Variants in ERC1 observed in about 807,000 individuals in gnomAD.
ERC1 encodes ELKS/RAB6-interacting/CAST family member 1.
A neutral mutation model predicts 132.0 loss-of-function variants in ERC1; 56 were observed. The observed-to-expected ratio is 0.42, with a 90% CI of 0.34 to 0.53. The LOEUF is 0.53. Ranked by LOEUF, ERC1 falls within the 20% of genes least tolerant of loss-of-function variation. The pLI, the probability that ERC1 is intolerant of heterozygous loss-of-function variation, is 0.03. For synonymous variants in ERC1, 478 were observed against 476.1 expected, an observed-to-expected ratio of 1.00 and a Z score of -0.05; for missense variants, 1,202 against 1,349.9, an observed-to-expected ratio of 0.89 and a Z score of 1.72.
chr12:1,195,873 C>CCA (rs1956174152), intron 12 of ERC1, among the ~76,000 whole-genome samples: 1 of 128,014 alleles, frequency 7.8e-6, no homozygotes, highest in African/African-American at 3.3e-5. Flanking sequence ...GTACTTATTT[C>CCA]CGCCCCCCCC....
intron 18 of ERC1, among the ~76,000 whole-genome samples, chr12:1,465,670 A>T (rs970255903): frequency 4.0e-5 from 6 of 151,880 alleles, no homozygotes; most frequent in Non-Finnish European, 7.4e-5. Flanking sequence ...TCTCCACTTG[A>T]CTCCCCTGTG....
intron 14 of ERC1, among the ~76,000 whole-genome samples, chr12:1,274,425 C>A (rs115944670): frequency 6.6e-6 from 1 of 151,904 alleles, no homozygotes; most frequent in South Asian, 2.1e-4. Context: ...TAACAGGGGA[C>A]CTTATTTAGA....
In ERC1 at chr12:1,093,100, G is replaced by A. The variant is rs550769140; in HGVS notation, c.1086+9520G>A. Among the ~76,000 whole-genome samples, 19 of 152,300 alleles carry A rather than the reference G, an allele frequency of 1.2e-4. No homozygotes were observed. In the East Asian group the frequency reaches 3.7e-3, roughly 29 times the overall value. The stretch of plus-strand genomic sequence containing the variant: ...ATCTTAGATTTGATGAAATAAGATA[G>A]CATTAAAATGGCATTTGTAGCTATT... On this transcript the variant is annotated intron_variant, in intron 3 of 18. Coordinates refer to ENST00000360905, the MANE Select transcript of ERC1 (RefSeq NM_178040.4).
chr12:1,125,058 A>T (rs11061642), intron 7 of ERC1, among the ~76,000 whole-genome samples: 2 of 151,628 alleles, frequency 1.3e-5, no homozygotes, highest in Non-Finnish European at 2.9e-5. Flanking sequence ...GCAGTGGCAC[A>T]ATCTTGGCTC....
intron 11 of ERC1, among the ~76,000 whole-genome samples, chr12:1,184,638 G>A (rs1594051111): frequency 6.6e-6 from 1 of 152,206 alleles, no homozygotes; most frequent in Admixed American, 6.5e-5. Flanking sequence ...GCTTAAGAAT[G>A]TATATCCTGT....
At chr12:1,363,642 C>A (rs1426109764) in intron 15 of ERC1, among the ~76,000 whole-genome samples, 1 of 150,282 alleles carries the variant, frequency 6.7e-6, no homozygotes, top group African/African-American at 2.5e-5. Context: ...GCAGCCTCGA[C>A]CTCCTGGGCT....
chr12:1,333,688 A>G (rs919933777), intron 15 of ERC1, among the ~76,000 whole-genome samples: 79 of 152,158 alleles, frequency 5.2e-4, no homozygotes, highest in African/African-American at 1.9e-3. Context: ...TATCTTTGCT[A>G]TTGTTAATAG....
intron 2 of ERC1, among the ~76,000 whole-genome samples, chr12:1,065,896 C>T (rs1014750583): frequency 3.9e-5 from 6 of 152,122 alleles, no homozygotes; most frequent in Non-Finnish European, 7.3e-5. Context: ...TTTATCCTGA[C>T]TGAAAGGAGC....
At chr12:1,217,042 G>A (rs1458729180) in intron 12 of ERC1, among the ~76,000 whole-genome samples, 7 of 152,202 alleles carry the variant, frequency 4.6e-5, no homozygotes, top group African/African-American at 1.7e-4. Context: ...AGAAATGGGT[G>A]CTTTGCTCCA....
chr12:1,330,856 C>T (rs2082812636), intron 15 of ERC1, among the ~76,000 whole-genome samples: 1 of 152,068 alleles, frequency 6.6e-6, no homozygotes, highest in Non-Finnish European at 1.5e-5. Flanking sequence ...TTTTTTATCT[C>T]TTTATGTCTT....
chr12:1,402,133 G>A (rs2091120190), intron 16 of ERC1, among the ~76,000 whole-genome samples: 1 of 152,178 alleles, frequency 6.6e-6, no homozygotes, highest in Non-Finnish European at 1.5e-5. Context: ...AAGAGAAATT[G>A]CAAAATATTT....
chr12:1,021,436 C>T (rs901502985), intron 1 of ERC1, among the ~76,000 whole-genome samples: 3 of 150,122 alleles, frequency 2.0e-5, no homozygotes, highest in Non-Finnish European at 4.4e-5. Flanking sequence ...CGGCCGGGCG[C>T]GGTGGCTCAT....
intron 12 of ERC1, among the ~76,000 whole-genome samples, chr12:1,200,838 G>A (rs188435738): frequency 8.1e-4 from 124 of 152,274 alleles, no homozygotes; most frequent in African/African-American, 2.4e-3. Flanking sequence ...GATTTCAGGC[G>A]TGAGCCACTG....
chr12:1,457,129 G>A (rs1347175613), intron 18 of ERC1, among the ~76,000 whole-genome samples: 2 of 152,168 alleles, frequency 1.3e-5, no homozygotes, highest in East Asian at 3.8e-4. Flanking sequence ...GTCACATGCT[G>A]TACAGGTTTG....
chr12:1,341,072 T>TC (rs2083818494), intron 15 of ERC1, among the ~76,000 whole-genome samples: 8 of 9,468 alleles, frequency 8.4e-4, no homozygotes, highest in African/African-American at 3.6e-3. Flanking sequence ...TCTTTTTCTT[T>TC]TTTTTTTTTT....
upstream of ERC1, chr12:990,424 CA>C (rs1959170352): frequency 6.6e-6 from 1 of 152,062 alleles, no homozygotes; most frequent in Non-Finnish European, 1.5e-5. Context: ...AATCGGGTTG[CA>C]CCAGGCCCCA....
chr12:1,397,092 C>G (rs1396055109), intron 16 of ERC1, among the ~76,000 whole-genome samples: 1 of 152,084 alleles, frequency 6.6e-6, no homozygotes, highest in Non-Finnish European at 1.5e-5. Flanking sequence ...TGGTCCTTAC[C>G]CATTCATAGT....
rs56939346 is a variant in ERC1, at chr12:1,493,548, A to AAAAAATAT, written c.*3319_*3320insAAAATATA. 2.2e-4 allele frequency: 3 copies of AAAAAATAT among 13,616 alleles called. No homozygotes were observed. The highest frequency in any genetic ancestry group is 2.2e-4 in the African/African-American group (1 of 4,552). 0.8% of individuals were successfully genotyped at this position (13,616 alleles called of 1,614,324 possible). A position where few individuals can be genotyped will look rare whatever the true frequency, so the allele number is the denominator to read the frequency against. ...ACTCCATTTAAAAAAAAAAAAAAAA[A>AAAAAATAT]ATATATATATATATATATATATATA... On this transcript the variant is annotated 3_prime_UTR_variant, in exon 19 of 19. Coordinates refer to ENST00000360905, the MANE Select transcript of ERC1 (RefSeq NM_178040.4).
chr12:1,153,660 A>C (rs945173058), intron 8 of ERC1, among the ~76,000 whole-genome samples: 2 of 152,240 alleles, frequency 1.3e-5, no homozygotes, highest in Non-Finnish European at 2.9e-5. Context: ...TGAAGAATGC[A>C]TGAACTCGGA....
Sources: gnomAD v4.1 joint callset for allele counts (sites outside exome capture counted in the v4.1 genomes callset) on GRCh38, gnomAD v4.1.1 for gene constraint, MANE v1.5 for transcripts, NCBI Gene and HGNC (gene_info 2026-07-23, HGNC 2026-07-21) for gene names.